DCT: variants seen among roughly 807,000 people sequenced by gnomAD.
The protein encoded by DCT is L-dopachrome tautomerase.
In DCT, 47 loss-of-function variants were observed where a neutral mutation model predicts 53.0. The ratio of observed to expected loss-of-function variants is 0.89; its 90% CI spans 0.70 to 1.13. DCT has a LOEUF of 1.13. DCT is among the 50% of genes most tolerant of loss of function. DCT has a pLI of 0.00. For missense variants in DCT, 669 were observed against 637.4 expected (o/e 1.05, Z -0.53); for synonymous variants, 244 against 237.0 (o/e 1.03, Z -0.27).
At chr13:94,520,019 G>C in the DCT span, among the ~76,000 whole-genome samples, 1 of 152,270 alleles carries the variant, frequency 6.6e-6, no homozygotes. Flanking sequence ...GGGTCAAACA[G>C]AGCCTCAAAA....
At chr13:94,447,787 A>G (rs1018775178) in intron 6 of DCT, among the ~76,000 whole-genome samples, 1 of 152,238 alleles carries the variant, frequency 6.6e-6, no homozygotes. Flanking sequence ...GTAAGAGGCA[A>G]ATAACTTATA....
chr13:94,486,222 A>C, the DCT span, among the ~76,000 whole-genome samples: 1 of 152,160 alleles, frequency 6.6e-6, no homozygotes, highest in African/African-American at 2.4e-5. Context: ...GACTGATGGA[A>C]ACTTACAATC....
the DCT span, among the ~76,000 whole-genome samples, chr13:94,527,438 A>T: frequency 6.6e-6 from 1 of 152,188 alleles, no homozygotes; most frequent in Non-Finnish European, 1.5e-5. Context: ...CAGAGGAAGG[A>T]TCAGGCAGCA....
chr13:94,472,939 T>TA (rs995660519), intron 1 of DCT, among the ~76,000 whole-genome samples: 1 of 152,144 alleles, frequency 6.6e-6, no homozygotes, highest in Admixed American at 6.6e-5. Context: ...TATCAAATAG[T>TA]ATAGCAATTG....
the DCT span, among the ~76,000 whole-genome samples, chr13:94,507,012 G>A: frequency 6.6e-6 from 1 of 152,118 alleles, no homozygotes; most frequent in African/African-American, 2.4e-5. Flanking sequence ...GGAAAATAAG[G>A]ATGTTGGACT....
the DCT span, among the ~76,000 whole-genome samples, chr13:94,547,978 A>ATATATATATATAT: frequency 9.6e-6 from 1 of 104,554 alleles, no homozygotes; most frequent in African/African-American, 6.7e-5. Context: ...AAAAAAAAAA[A>ATATATATATATAT]AAAAAAATAT....
intron 6 of DCT, among the ~76,000 whole-genome samples, chr13:94,458,939 C>T (rs1394623508): frequency 6.6e-6 from 1 of 152,044 alleles, no homozygotes; most frequent in Admixed American, 6.6e-5. Context: ...TGCAGTGGCA[C>T]GATCATGGCT....
intron 6 of DCT, among the ~76,000 whole-genome samples, chr13:94,451,030 T>C (rs1407996): frequency 0.011 from 1,707 of 152,238 alleles, 34 homozygotes; most frequent in African/African-American, 0.039. Flanking sequence ...AGGTGACATT[T>C]AGCACCTGTG....
the DCT span, among the ~76,000 whole-genome samples, chr13:94,522,328 TC>T: frequency 6.6e-6 from 1 of 152,132 alleles, no homozygotes; most frequent in Non-Finnish European, 1.5e-5. Context: ...TGACCTAGCC[TC>T]CCAGCCTACA....
the DCT span, among the ~76,000 whole-genome samples, chr13:94,518,017 A>G: frequency 2.0e-5 from 3 of 151,362 alleles, no homozygotes; most frequent in Admixed American, 2.0e-4. Flanking sequence ...CTGAGGTGGG[A>G]CGATCACTTG....
chr13:94,515,617 A>G, the DCT span, among the ~76,000 whole-genome samples: 1 of 152,200 alleles, frequency 6.6e-6, no homozygotes, highest in Non-Finnish European at 1.5e-5. Flanking sequence ...CAAAACCTCA[A>G]GAAGGGCTTG....
rs573062141 is a variant in DCT, at chr13:94,445,964, C to A, written c.1180-2327G>T. On this transcript the variant is annotated intron_variant, in intron 6 of 7. Coordinates refer to ENST00000377028, the MANE Select transcript of DCT (RefSeq NM_001922.5). ...AGAGATGCCACCCCCTTTTCCTGGC[C>A]CCCTCTGGGTTCCAGGAAGGAGAAC... 7.2e-5 allele frequency among the ~76,000 whole-genome samples: 11 copies of A among 152,204 alleles called. No homozygotes were observed. The South Asian group carries it at 1.0e-3, about 14-fold the overall frequency.
At chr13:94,470,278 C>T (rs1436768181) in intron 1 of DCT, among the ~76,000 whole-genome samples, 1 of 152,156 alleles carries the variant, frequency 6.6e-6, no homozygotes. Flanking sequence ...GCCATGATGT[C>T]AGGAAGTACA....
At chr13:94,493,856 T>C in the DCT span, among the ~76,000 whole-genome samples, 252 of 152,210 alleles carry the variant, frequency 1.7e-3, no homozygotes, top group Middle Eastern at 3.4e-3. Context: ...TCCCACAGGG[T>C]GCACAACACA....
intron 6 of DCT, among the ~76,000 whole-genome samples, chr13:94,447,796 T>C (rs190971952): frequency 1.5e-3 from 221 of 152,024 alleles, no homozygotes; most frequent in African/African-American, 4.6e-3. Context: ...AAATAACTTA[T>C]AGAAAGTATC....
rs1175228203 is a variant in DCT at position 94,455,842 on chromosome 13, T to C, written c.1179+4249A>G. ...TATCAGAGGATTCCACTGTTCTACT[T>C]ATAACATATTGGAGTACTGGATAAG... On this transcript the variant is annotated intron_variant, in intron 6 of 7. Transcript: ENST00000377028. 2.6e-5 allele frequency among the ~76,000 whole-genome samples: 4 copies of C among 152,372 alleles called. No individual in the cohort carries two copies. In the East Asian group the frequency reaches 7.7e-4, roughly 29 times the overall value.
the DCT span, among the ~76,000 whole-genome samples, chr13:94,512,345 CTCTAA>C: frequency 2.6e-5 from 4 of 152,138 alleles, no homozygotes; most frequent in African/African-American, 9.7e-5. Context: ...GAAGCAGATT[CTCTAA>C]TCTAAAGAAA....
At chr13:94,447,431 G>A (rs771975104) in intron 6 of DCT, among the ~76,000 whole-genome samples, 20 of 152,200 alleles carry the variant, frequency 1.3e-4, no homozygotes, top group Non-Finnish European at 2.8e-4. Flanking sequence ...TCTGACAGGA[G>A]GCGGAGCTCA....
chr13:94,531,098 T>A, the DCT span, among the ~76,000 whole-genome samples: 1 of 152,142 alleles, frequency 6.6e-6, no homozygotes, highest in South Asian at 2.1e-4. Context: ...GTGAAGGACC[T>A]CTTCAAGGAG....
Sources: gnomAD v4.1 joint callset for allele counts (sites outside exome capture counted in the v4.1 genomes callset) on GRCh38, gnomAD v4.1.1 for gene constraint, MANE v1.5 for transcripts, NCBI Gene and HGNC (gene_info 2026-07-23, HGNC 2026-07-21) for gene names.